Variants in PPARGC1A observed in about 807,000 individuals in gnomAD.
The protein encoded by PPARGC1A is peroxisome proliferator-activated receptor gamma coactivator 1-alpha.
PPARGC1A carries 25 observed loss-of-function variants against 88.7 expected under a neutral mutation model. The ratio of observed to expected loss-of-function variants is 0.28; its 90% CI spans 0.21 to 0.39. The LOEUF (loss-of-function observed/expected upper bound fraction) is 0.39. Among genes scored for constraint, PPARGC1A ranks in the 10% least tolerant of loss-of-function variants. PPARGC1A has a pLI of 1.00. For synonymous variants in PPARGC1A, 363 were observed against 355.6 expected, an observed-to-expected ratio of 1.02 and a Z score of -0.24; for missense variants, 880 against 968.7, an observed-to-expected ratio of 0.91 and a Z score of 1.22.
At chr4:23,949,697 T>C in the PPARGC1A span, among the ~76,000 whole-genome samples, 1 of 152,120 alleles carries the variant, frequency 6.6e-6, no homozygotes, top group Non-Finnish European at 1.5e-5. Flanking sequence ...AGAACCTACA[T>C]TGTGAGGTGC....
chr4:24,120,880 T>C, the PPARGC1A span, among the ~76,000 whole-genome samples: 4 of 152,150 alleles, frequency 2.6e-5, no homozygotes, highest in African/African-American at 9.7e-5. Context: ...GAAATAAATT[T>C]CTGTCGTTTA....
chr4:23,887,127 C>G (rs997093081), intron 1 of PPARGC1A, among the ~76,000 whole-genome samples: 3 of 152,136 alleles, frequency 2.0e-5, no homozygotes, highest in African/African-American at 7.2e-5. Flanking sequence ...ATTGAAAAGA[C>G]CAGGTCAATT....
At chr4:24,212,032 C>A in the PPARGC1A span, among the ~76,000 whole-genome samples, 2 of 152,126 alleles carry the variant, frequency 1.3e-5, no homozygotes, top group South Asian at 4.2e-4. Flanking sequence ...TCTACAACTT[C>A]ATCTGATCAT....
the PPARGC1A span, among the ~76,000 whole-genome samples, chr4:24,437,159 G>A: frequency 6.6e-6 from 1 of 152,180 alleles, no homozygotes; most frequent in African/African-American, 2.4e-5. Context: ...ATTGGGATAC[G>A]ATCTTTGAAG....
chr4:24,138,595 T>G, the PPARGC1A span, among the ~76,000 whole-genome samples: 1 of 152,198 alleles, frequency 6.6e-6, no homozygotes. Context: ...TCACATGAAA[T>G]GCACTTTCTT....
the PPARGC1A span, among the ~76,000 whole-genome samples, chr4:23,936,828 C>T: frequency 3.9e-5 from 6 of 152,026 alleles, no homozygotes; most frequent in African/African-American, 1.5e-4. Context: ...CGAGATCGCA[C>T]GACTGCACTC....
At chr4:24,200,409 G>A in the PPARGC1A span, among the ~76,000 whole-genome samples, 9 of 151,942 alleles carry the variant, frequency 5.9e-5, no homozygotes, top group African/African-American at 2.2e-4. Flanking sequence ...TATTTGGGAG[G>A]TTGAGGCAAG....
chr4:23,864,576 T>C (rs534636662), intron 2 of PPARGC1A, among the ~76,000 whole-genome samples: 1 of 152,268 alleles, frequency 6.6e-6, no homozygotes, highest in East Asian at 1.9e-4. Context: ...AGGAAGATGG[T>C]GAACATGCAC....
the PPARGC1A span, among the ~76,000 whole-genome samples, chr4:23,938,063 C>G: frequency 6.6e-6 from 1 of 151,158 alleles, no homozygotes; most frequent in Non-Finnish European, 1.5e-5. Flanking sequence ...TTGGAGAGGC[C>G]AAAATGGGTC....
chr4:24,260,610 G>A, the PPARGC1A span, among the ~76,000 whole-genome samples: 1 of 152,132 alleles, frequency 6.6e-6, no homozygotes, highest in African/African-American at 2.4e-5. Context: ...AAGTTATGGT[G>A]TTAATTCTGG....
At position 23,795,712 on chromosome 4, in the gene PPARGC1A, G is replaced by A. The variant is rs1717462680; in HGVS notation, c.*110C>T. 1 of 748,648 alleles carries A rather than the reference G, an allele frequency of 1.3e-6. No individual in the cohort carries two copies. The highest frequency in any genetic ancestry group is 2.5e-4 in the Middle Eastern group (1 of 4,030). 46.4% of individuals were successfully genotyped at this position (748,648 alleles called of 1,614,324 possible). ...GTTTTGTTTTGTTTTTGTACAGAGA[G>A]TGTAAAGTAGGAGAAATTCCTAAGT... is the stretch of plus-strand genomic sequence containing the variant. On this transcript the variant is annotated 3_prime_UTR_variant, in exon 13 of 13. Coordinates refer to ENST00000264867, the MANE Select transcript of PPARGC1A (RefSeq NM_013261.5).
the PPARGC1A span, among the ~76,000 whole-genome samples, chr4:24,052,352 A>G: frequency 2.0e-5 from 3 of 152,256 alleles, no homozygotes; most frequent in Middle Eastern, 3.4e-3. Flanking sequence ...TTTTCCCTGG[A>G]AAGACCGGTC....
At chr4:24,064,289 G>A in the PPARGC1A span, among the ~76,000 whole-genome samples, 1 of 152,204 alleles carries the variant, frequency 6.6e-6, no homozygotes, top group Admixed American at 6.5e-5. Flanking sequence ...TGGCTCTATA[G>A]CAAGTGGGTG....
At chr4:23,880,575 G>A (rs576596167) in intron 2 of PPARGC1A, among the ~76,000 whole-genome samples, 2 of 152,112 alleles carry the variant, frequency 1.3e-5, no homozygotes, top group South Asian at 4.1e-4. Flanking sequence ...GTCCATTTTT[G>A]CAAAATTTAG....
At chr4:23,816,390 T>A (rs749328416) in intron 7 of PPARGC1A, among the ~76,000 whole-genome samples, 3 of 152,218 alleles carry the variant, frequency 2.0e-5, no homozygotes, top group Non-Finnish European at 4.4e-5. Context: ...GATAAGTATG[T>A]CTTTTACTCA....
the PPARGC1A span, among the ~76,000 whole-genome samples, chr4:24,276,873 A>G: frequency 2.6e-5 from 4 of 152,198 alleles, no homozygotes; most frequent in Non-Finnish European, 4.4e-5. Context: ...AGTCCTGCAC[A>G]GACAGATACA....
chr4:24,407,822 A>T, the PPARGC1A span, among the ~76,000 whole-genome samples: 1 of 152,184 alleles, frequency 6.6e-6, no homozygotes, highest in Non-Finnish European at 1.5e-5. Flanking sequence ...AAAGTATCTG[A>T]AATGCTGCCT....
chr4:24,387,972 AAGGG>A, the PPARGC1A span, among the ~76,000 whole-genome samples: 1 of 144,236 alleles, frequency 6.9e-6, no homozygotes, highest in Non-Finnish European at 1.5e-5. Context: ...GAGAGGGAGA[AAGGG>A]AGGGAGGGAG....
the PPARGC1A span, among the ~76,000 whole-genome samples, chr4:24,376,025 G>A: frequency 8.1e-5 from 12 of 148,986 alleles, no homozygotes; most frequent in Non-Finnish European, 1.2e-4. Flanking sequence ...ATTGCACCAA[G>A]AAAAAAAAAA....
Sources: gnomAD v4.1 joint callset for allele counts (sites outside exome capture counted in the v4.1 genomes callset) on GRCh38, gnomAD v4.1.1 for gene constraint, MANE v1.5 for transcripts, NCBI Gene and HGNC (gene_info 2026-07-23, HGNC 2026-07-21) for gene names.